Variants in PFKFB3 observed in about 807,000 individuals in gnomAD.
PFKFB3 encodes the protein 6-phosphofructo-2-kinase/fructose-2,6-biphosphatase 3, also known as 6-phosphofructo-2-kinase/fructose-2,6-bisphosphatase 3.
PFKFB3 carries 33 observed loss-of-function variants against 68.0 expected under a neutral mutation model. The ratio of observed to expected loss-of-function variants is 0.49; its 90% CI spans 0.37 to 0.65. The LOEUF (loss-of-function observed/expected upper bound fraction) is 0.65, where lower values mean the gene tolerates loss of function less well. Ranked by LOEUF, PFKFB3 falls within the 30% of genes least tolerant of loss-of-function variation. The pLI, the probability that PFKFB3 is intolerant of heterozygous loss-of-function variation, is 0.00. For missense variants in PFKFB3, 586 were observed against 712.2 expected (o/e 0.82, Z 2.02); for synonymous variants, 315 against 288.2 (o/e 1.09, Z -0.94).
At chr10:6,255,412 T>C (rs1846481489), downstream of PFKFB3, among the ~76,000 whole-genome samples, 1 of 152,184 alleles carries the variant, frequency 6.6e-6, no homozygotes, top group South Asian at 2.1e-4. Context: ...GCGTGAGCCA[T>C]CGCAACTGGC....
intron 1 of PFKFB3, among the ~76,000 whole-genome samples, chr10:6,182,312 A>C (rs1842735288): frequency 6.6e-6 from 1 of 151,928 alleles, no homozygotes; most frequent in Non-Finnish European, 1.5e-5. Flanking sequence ...TGAGGTCTAG[A>C]CTGGGGGTCT....
chr10:6,167,087 T>A (rs752396037), intron 1 of PFKFB3, among the ~76,000 whole-genome samples: 1 of 152,250 alleles, frequency 6.6e-6, no homozygotes, highest in Non-Finnish European at 1.5e-5. Context: ...CCCAAAGTGC[T>A]GGGATTACAG....
the PFKFB3 span, among the ~76,000 whole-genome samples, chr10:6,319,612 C>G: frequency 6.6e-6 from 1 of 151,738 alleles, no homozygotes; most frequent in African/African-American, 2.4e-5. Context: ...GTCAAATATC[C>G]ATGTAACACG....
chr10:6,254,174 T>C (rs943927277), intron 14 of PFKFB3: 7 of 397,608 alleles, frequency 1.8e-5, no homozygotes, highest in African/African-American at 1.2e-4. Flanking sequence ...TCCTTCCTGT[T>C]TAGGAGTTAA....
chr10:6,179,649 C>T (rs927927788), intron 1 of PFKFB3, among the ~76,000 whole-genome samples: 1 of 152,182 alleles, frequency 6.6e-6, no homozygotes, highest in Non-Finnish European at 1.5e-5. Flanking sequence ...AAAGGAAGAA[C>T]CCGTCTCCCC....
intron 4 of PFKFB3, among the ~76,000 whole-genome samples, 181 bp from the exon 5 acceptor site, chr10:6,216,525 G>C (rs1457450238): frequency 6.6e-6 from 1 of 151,696 alleles, no homozygotes; most frequent in Non-Finnish European, 1.5e-5. Flanking sequence ...GCTGTTGGTA[G>C]TTGCGGGAGG....
chr10:6,256,885 G>A (rs1289983102), downstream of PFKFB3, among the ~76,000 whole-genome samples: 1 of 152,148 alleles, frequency 6.6e-6, no homozygotes, highest in Non-Finnish European at 1.5e-5. Flanking sequence ...CCCAGAGAGT[G>A]AGAGTTTAGC....
At chr10:6,313,761 G>A in the PFKFB3 span, among the ~76,000 whole-genome samples, 4 of 152,198 alleles carry the variant, frequency 2.6e-5, no homozygotes, top group Admixed American at 6.5e-5. The surrounding 1 kb of genome is among the most constrained non-coding windows in gnomAD (Gnocchi z 4.2). Context: ...CATAATGGGT[G>A]CTAAATCATC....
chr10:6,221,340 C>G (rs746008708), intron 8 of PFKFB3, 41 bp from the exon 9 acceptor site: 3 of 1,608,866 alleles, frequency 1.9e-6, no homozygotes, highest in African/African-American at 2.7e-5. Context: ...GGAGGAGCTG[C>G]GGGCATCTGG....
the PFKFB3 span, among the ~76,000 whole-genome samples, chr10:6,307,537 C>CCTTCCTTG: frequency 6.7e-6 from 1 of 149,082 alleles, no homozygotes; most frequent in South Asian, 2.2e-4. Flanking sequence ...TTCCTTCCTT[C>CCTTCCTTG]CTTCCTTCCT....
At position 6,222,947 on chromosome 10, in the gene PFKFB3, G is replaced by A. The variant is rs763329061; in HGVS notation, c.1176G>A (p.Leu392=). The change falls in exon 11 of 15, where the codon CTG becomes CTA. Residue 392 remains leucine, a synonymous_variant. Transcript: ENST00000379775. ...TGGTCATCTGCCACCAGGCCGTCCTGCGCTGCCTGCTTGCCTACTTCCTGG... is the reference window on the plus strand; with the variant it reads ...TGGTCATCTGCCACCAGGCCGTCCTACGCTGCCTGCTTGCCTACTTCCTGG... ...NVLVICHQAV[L]RCLLAYFLDK... 1 of 1,613,860 alleles carries A rather than the reference G, an allele frequency of 6.2e-7. No homozygotes were observed. The highest frequency in any genetic ancestry group is 2.2e-5 in the East Asian group (1 of 44,870).
intron 1 of PFKFB3, among the ~76,000 whole-genome samples, chr10:6,170,525 T>C (rs1842276131): frequency 6.6e-6 from 1 of 152,216 alleles, no homozygotes; most frequent in African/African-American, 2.4e-5. Flanking sequence ...CTGGGCCACA[T>C]AGACCTCCTT....
intron 14 of PFKFB3, among the ~76,000 whole-genome samples, chr10:6,252,483 C>A (rs1217313989): frequency 6.6e-6 from 1 of 152,114 alleles, no homozygotes; most frequent in East Asian, 1.9e-4. Flanking sequence ...CAGACAAAGG[C>A]TTATAAAGAA....
At chr10:6,321,804 A>G in the PFKFB3 span, among the ~76,000 whole-genome samples, 2 of 152,226 alleles carry the variant, frequency 1.3e-5, no homozygotes, top group Non-Finnish European at 2.9e-5. Flanking sequence ...AACTCTATGT[A>G]GAAATTCTGC....
the PFKFB3 span, among the ~76,000 whole-genome samples, chr10:6,323,721 C>T: frequency 5.9e-5 from 9 of 152,128 alleles, 1 homozygote; most frequent in South Asian, 1.0e-3. Flanking sequence ...CACTTCACAC[C>T]GAAGCCAATG....
intron 1 of PFKFB3, among the ~76,000 whole-genome samples, chr10:6,210,146 G>A (rs551147056): frequency 8.4e-6 from 1 of 119,242 alleles, no homozygotes; most frequent in African/African-American, 2.6e-5. Flanking sequence ...GGCCCATTGA[G>A]AAGAGAAGAA....
At chr10:6,177,553 T>A (rs1172221037) in intron 1 of PFKFB3, among the ~76,000 whole-genome samples, 1 of 149,238 alleles carries the variant, frequency 6.7e-6, no homozygotes, top group Non-Finnish European at 1.5e-5. Flanking sequence ...GAGACGGAGT[T>A]TCACTCTTGT....
At chr10:6,208,371 CTTTTTTTTT>C (rs35447462) in intron 1 of PFKFB3, among the ~76,000 whole-genome samples, 1 of 60,624 alleles carries the variant, frequency 1.6e-5, no homozygotes, top group African/African-American at 6.7e-5. Context: ...GGTACCTGGC[CTTTTTTTTT>C]TTTTTTTTTT....
the PFKFB3 span, among the ~76,000 whole-genome samples, chr10:6,323,882 G>A: frequency 5.5e-4 from 84 of 152,326 alleles, no homozygotes; most frequent in Middle Eastern, 0.017. Context: ...GGACTACCGC[G>A]TGATTCCGCC....
Sources: allele counts gnomAD v4.1 joint callset (sites outside exome capture counted in the v4.1 genomes callset), GRCh38; gene constraint gnomAD v4.1.1; non-coding constraint Gnocchi (gnomAD v3.1); transcripts MANE v1.5; gene names NCBI Gene and HGNC (gene_info 2026-07-23, HGNC 2026-07-21).